Variants in SLC35F1 observed in about 807,000 individuals in gnomAD.
The protein encoded by SLC35F1 is chromosome 6 open reading frame 169.
Under a neutral mutation model 48.7 loss-of-function variants are expected in SLC35F1, and 14 were observed. That is an observed-to-expected ratio of 0.29 (90% CI 0.19 to 0.45). SLC35F1 has a LOEUF of 0.45. Among genes scored for constraint, SLC35F1 ranks in the 20% least tolerant of loss-of-function variants. The probability of loss-of-function intolerance (pLI) is 1.00; values close to 1 mark genes in which losing one functional copy is unlikely to be tolerated. For missense variants in SLC35F1, 404 were observed against 500.0 expected, an observed-to-expected ratio of 0.81 and a Z score of 1.83; for synonymous variants, 190 against 202.2, an observed-to-expected ratio of 0.94 and a Z score of 0.51.
chr6:118,161,268 T>C (rs1224469954), intron 2 of SLC35F1, among the ~76,000 whole-genome samples: 2 of 151,954 alleles, frequency 1.3e-5, no homozygotes, highest in Non-Finnish European at 2.9e-5. Flanking sequence ...CCTACTTTCA[T>C]TGCAGTTTTC....
intron 1 of SLC35F1, among the ~76,000 whole-genome samples, chr6:118,113,646 C>T (rs1441004517): frequency 2.0e-5 from 3 of 152,172 alleles, no homozygotes; most frequent in Admixed American, 6.5e-5. Context: ...TAATTTCAGG[C>T]AAAGCTGACT....
intron 1 of SLC35F1, among the ~76,000 whole-genome samples, chr6:117,954,554 T>C (rs1776403334): frequency 6.6e-6 from 1 of 152,204 alleles, no homozygotes; most frequent in Admixed American, 6.5e-5. Context: ...CCACTGCGCT[T>C]GGCTGTTTTT....
At chr6:117,931,957 A>T (rs1776106752) in intron 1 of SLC35F1, among the ~76,000 whole-genome samples, 1 of 152,204 alleles carries the variant, frequency 6.6e-6, no homozygotes, top group South Asian at 2.1e-4. Flanking sequence ...TTTATGTTGG[A>T]ACTTAAATCC....
intron 4 of SLC35F1, among the ~76,000 whole-genome samples, chr6:118,272,397 T>C (rs1400092695): frequency 6.6e-6 from 1 of 152,150 alleles, no homozygotes; most frequent in African/African-American, 2.4e-5. Flanking sequence ...TGTAAATCAT[T>C]ATCACGTATT....
intron 1 of SLC35F1, among the ~76,000 whole-genome samples, chr6:118,019,125 A>G (rs1777359675): frequency 6.6e-6 from 1 of 152,004 alleles, no homozygotes; most frequent in South Asian, 2.1e-4. Flanking sequence ...TCATAATGTG[A>G]AACTAAGTTT....
intron 1 of SLC35F1, among the ~76,000 whole-genome samples, chr6:118,054,373 A>T (rs1313285307): frequency 6.6e-6 from 1 of 152,198 alleles, no homozygotes; most frequent in Non-Finnish European, 1.5e-5. Context: ...TAAAAAGGGT[A>T]CTGTTTTAGT....
At chr6:118,292,373 C>G (rs1776135206) in intron 7 of SLC35F1, among the ~76,000 whole-genome samples, 1 of 152,152 alleles carries the variant, frequency 6.6e-6, no homozygotes, top group African/African-American at 2.4e-5. Flanking sequence ...GTGCAATACA[C>G]TGTCTTGGGA....
intron 7 of SLC35F1, among the ~76,000 whole-genome samples, chr6:118,305,709 T>G (rs1262333694): frequency 1.3e-5 from 2 of 152,178 alleles, no homozygotes; most frequent in African/African-American, 4.8e-5. Context: ...TTGTGTTATA[T>G]AATAAAGAGA....
At chr6:118,086,445 T>G (rs1036882984) in intron 1 of SLC35F1, among the ~76,000 whole-genome samples, 1 of 152,352 alleles carries the variant, frequency 6.6e-6, no homozygotes, top group East Asian at 1.9e-4. Flanking sequence ...AGAGCAGCCA[T>G]GTGCTCTCTT....
chr6:118,178,014 T>A (rs1237694401), intron 2 of SLC35F1, among the ~76,000 whole-genome samples: 1 of 152,068 alleles, frequency 6.6e-6, no homozygotes, highest in Admixed American at 6.6e-5. Context: ...ATGCTCACTT[T>A]TGTGAGGTTT....
At chr6:117,997,471 G>A (rs1777012741) in intron 1 of SLC35F1, among the ~76,000 whole-genome samples, 1 of 152,052 alleles carries the variant, frequency 6.6e-6, no homozygotes, top group Non-Finnish European at 1.5e-5. Flanking sequence ...ACACATAACT[G>A]TCAGATTCAC....
At chr6:118,042,396 A>G (rs1772237539) in intron 1 of SLC35F1, among the ~76,000 whole-genome samples, 1 of 152,188 alleles carries the variant, frequency 6.6e-6, no homozygotes, top group South Asian at 2.1e-4. Context: ...ACCTGCATAG[A>G]GTTTCAAAGG....
At chr6:118,153,347 A>G (rs559686108) in intron 1 of SLC35F1, among the ~76,000 whole-genome samples, 16 of 152,336 alleles carry the variant, frequency 1.1e-4, no homozygotes, top group African/African-American at 3.6e-4. Context: ...TGATCTGACA[A>G]TTGTTCTGCT....
chr6:118,065,228 A>G (rs1772595685), intron 1 of SLC35F1, among the ~76,000 whole-genome samples: 1 of 152,210 alleles, frequency 6.6e-6, no homozygotes, highest in Admixed American at 6.5e-5. Flanking sequence ...ATTTTAATGC[A>G]GGATAATAAG....
intron 7 of SLC35F1, among the ~76,000 whole-genome samples, chr6:118,296,987 G>A (rs370827644): frequency 2.0e-5 from 3 of 152,128 alleles, no homozygotes; most frequent in African/African-American, 7.2e-5. Flanking sequence ...TTGCTAAGAT[G>A]TAAAACAAAG....
intron 1 of SLC35F1, among the ~76,000 whole-genome samples, chr6:118,068,744 T>C (rs1483004150): frequency 1.3e-5 from 2 of 152,296 alleles, no homozygotes; most frequent in African/African-American, 4.8e-5. Context: ...ATGTTAAGCA[T>C]TCTGCGCATA....
At chr6:118,226,564 A>G (rs1170118018) in intron 2 of SLC35F1, among the ~76,000 whole-genome samples, 1 of 152,168 alleles carries the variant, frequency 6.6e-6, no homozygotes, top group Non-Finnish European at 1.5e-5. Context: ...AACAACATGG[A>G]TGGAACTGGA....
intron 2 of SLC35F1, among the ~76,000 whole-genome samples, chr6:118,161,891 A>G (rs535411571): frequency 8.0e-4 from 122 of 152,368 alleles, no homozygotes; most frequent in African/African-American, 2.8e-3. Flanking sequence ...CCCAGTAGGT[A>G]GAGCAACTGG....
At chr6:118,283,630 C>G (rs960225062) in intron 6 of SLC35F1, among the ~76,000 whole-genome samples, 1 of 152,166 alleles carries the variant, frequency 6.6e-6, no homozygotes, top group Non-Finnish European at 1.5e-5. Context: ...GTGTTCCGAT[C>G]AAGTTTTATT....
Sources: gnomAD v4.1 joint callset for allele counts (sites outside exome capture counted in the v4.1 genomes callset) on GRCh38, gnomAD v4.1.1 for gene constraint, MANE v1.5 for transcripts, NCBI Gene and HGNC (gene_info 2026-07-23, HGNC 2026-07-21) for gene names.